IFRD2: variants seen among roughly 807,000 people sequenced by gnomAD.
IFRD2 encodes the protein interferon related developmental regulator 2.
In IFRD2, 35 loss-of-function variants were observed where a neutral mutation model predicts 49.2. The ratio of observed to expected loss-of-function variants is 0.71; its 90% CI spans 0.54 to 0.94. The LOEUF is 0.94. Ranked by LOEUF, IFRD2 falls within the 40% of genes least tolerant of loss-of-function variation. The probability of loss-of-function intolerance (pLI) is 0.00; values close to 1 mark genes in which losing one functional copy is unlikely to be tolerated. For synonymous variants in IFRD2, 275 were observed against 239.7 expected (o/e 1.15, Z -1.36); for missense variants, 561 against 591.6 (o/e 0.95, Z 0.54).
intron 1 of IFRD2, among the ~76,000 whole-genome samples, chr3:50,291,466 C>G (rs587631905): frequency 6.6e-6 from 1 of 152,270 alleles, no homozygotes. Context: ...CCCCCCAGGC[C>G]TCCCTGAGTC....
chr3:50,289,396 T>C (rs2109275259), intron 7 of IFRD2, 36 bp from the exon 8 acceptor site: 2 of 1,572,312 alleles, frequency 1.3e-6, no homozygotes, highest in Non-Finnish European at 1.7e-6. Flanking sequence ...ATGTGTGGCT[T>C]GGGGGCCTCT....
At position 50,288,722 on chromosome 3, in the gene IFRD2, G is replaced by A; in HGVS notation, c.1024-11C>T. ...TTCGCATTCACCGCCCTGCAGGGTA[G>A]AGGTGCCAACACAACTGGGCTTGGC... On this transcript the variant is annotated splice_polypyrimidine_tract_variant and intron_variant, in intron 9 of 11. Transcript: ENST00000417626. 3.1e-6 allele frequency: 5 copies of A among 1,613,104 alleles called. No homozygotes were observed. The highest frequency in any genetic ancestry group is 2.2e-5 in the South Asian group (2 of 90,958).
intron 9 of IFRD2, 32 bp downstream of exon 9, chr3:50,288,768 C>T (rs1227406929): frequency 7.4e-6 from 12 of 1,612,174 alleles, no homozygotes; most frequent in Non-Finnish European, 9.3e-6. Flanking sequence ...GGGGGTGCAC[C>T]CTTGCTAGGA....
In IFRD2 at chr3:50,290,604, C is replaced by T; in HGVS notation, c.134G>A (p.Ser45Asn). ...GGTGCTGAGAAGGCTGGGGCATTCA[C>T]TGGCGGTGCTGCGGGCCTCACTGGC... Reference protein sequence around the residue: ...EAASEARSTASECPSLLSTTA... With the variant: ...EAASEARSTANECPSLLSTTA... Residue 45 changes from serine to asparagine, a missense_variant, in exon 2 of 12, where the codon AGT (serine) becomes AAT (asparagine). Coordinates refer to ENST00000417626, the MANE Select transcript of IFRD2 (RefSeq NM_006764.5). 6.2e-7 allele frequency: 1 copy of T among 1,614,010 alleles called. No individual in the cohort carries two copies. The highest frequency in any genetic ancestry group is 8.5e-7 in the Non-Finnish European group (1 of 1,179,892).
intron 1 of IFRD2, chr3:50,291,636 T>C (rs1575492161): frequency 6.6e-6 from 1 of 152,374 alleles, no homozygotes; most frequent in Admixed American, 6.5e-5. Context: ...AGAATAAAAA[T>C]AAATAAATTT....
chr3:50,288,779 C>T (rs1575489895), intron 9 of IFRD2, 21 bp downstream of exon 9: 1 of 1,612,706 alleles, frequency 6.2e-7, no homozygotes, highest in Non-Finnish European at 8.5e-7. Flanking sequence ...CTTGCTAGGA[C>T]ACATATGTTC....
intron 1 of IFRD2, 69 bp from the exon 2 acceptor site, chr3:50,290,748 G>A (rs1379123643): frequency 6.4e-6 from 10 of 1,563,664 alleles, no homozygotes; most frequent in African/African-American, 4.1e-5. Flanking sequence ...TACCTCACTC[G>A]ACCTCATAAT....
Position 50,290,036 on chromosome 3 carries a change from C to A in IFRD2, c.439G>T (p.Val147Leu). The change falls in exon 5 of 12, where the codon GTG (valine) becomes TTG (leucine). Residue 147 changes from valine (V) to leucine (L), a missense_variant. Coordinates refer to ENST00000417626, the MANE Select transcript of IFRD2 (RefSeq NM_006764.5). ...CCCTTAGGTCCAGGGCCCAGCTGCACGCAGAGCAGGCCTAGCACAGCAGCA... is the reference window on the plus strand; with the variant it reads ...CCCTTAGGTCCAGGGCCCAGCTGCAAGCAGAGCAGGCCTAGCACAGCAGCA... ...LAAAVLGLLC[V>L]QLGPGPKGEE... is the part of the protein sequence containing the mutation. The A allele has an allele frequency of 6.2e-7, 1 of 1,613,656 alleles. No individual in the cohort carries two copies. The highest frequency in any genetic ancestry group is 1.1e-5 in the South Asian group (1 of 90,994).
chr3:50,290,750 C>T, intron 1 of IFRD2, 71 bp from the exon 2 acceptor site: 5 of 1,553,950 alleles, frequency 3.2e-6, no homozygotes, highest in Non-Finnish European at 3.5e-6. Context: ...CCTCACTCGA[C>T]CTCATAATCC....
rs1252770749 is a variant in IFRD2 at position 50,292,397 on chromosome 3, G to A, written c.-123C>T. 4.4e-6 allele frequency: 7 copies of A among 1,589,218 alleles called. No individual in the cohort carries two copies. Among genetic ancestry groups the A allele is most frequent in the South Asian group, 1.1e-5 (1 of 89,250 alleles). On this transcript the variant is annotated 5_prime_UTR_variant, in exon 1 of 12. Coordinates refer to ENST00000417626, the MANE Select transcript of IFRD2 (RefSeq NM_006764.5). ...CCAGACGACGGGAGCCACACGCCAC[G>A]CGCGCCACCATCTTCGCGAGGCGCC...
In IFRD2 at chr3:50,288,049, G is replaced by T; in HGVS notation, c.*142C>A. The T allele has an allele frequency of 1.3e-6, 1 of 767,670 alleles. No homozygotes were observed. Among genetic ancestry groups the T allele is most frequent in the Non-Finnish European group, 2.2e-6 (1 of 461,902 alleles). The allele number at this position is 767,670 out of a possible 1,614,324, so 47.6% of individuals were successfully genotyped here. The stretch of plus-strand genomic sequence containing the variant: ...AGGGTCCCAAGTGTCCGGGCCCCCA[G>T]CTACCCACCCCATGTCTGTTTTTGG... On this transcript the variant is annotated 3_prime_UTR_variant, in exon 12 of 12. Coordinates refer to ENST00000417626, the MANE Select transcript of IFRD2 (RefSeq NM_006764.5).
Position 50,288,106 on chromosome 3 carries a change from A to G in IFRD2, c.*85T>C. 5.0e-6 allele frequency: 6 copies of G among 1,194,634 alleles called. No individual in the cohort carries two copies. The South Asian group carries it at 7.7e-5, about 15-fold the overall frequency. The allele number at this position is 1,194,634 out of a possible 1,614,324, so 74.0% of individuals were successfully genotyped here. A position where few individuals can be genotyped will look rare whatever the true frequency, so the allele number is the denominator to read the frequency against. On this transcript the variant is annotated 3_prime_UTR_variant, in exon 12 of 12. Transcript: ENST00000417626. ...CATTAAAAAAAATAAAGTGACAAAT[A>G]CTGGTGGAGACCAGTTGTTGCACTG...
rs1206166442 is a variant in IFRD2 at position 50,292,199 on chromosome 3, G to GC, written c.58+17dup. 1 of 1,434,766 alleles carries GC rather than the reference G, an allele frequency of 7.0e-7. No homozygotes were observed. The highest frequency in any genetic ancestry group is 9.2e-7 in the Non-Finnish European group (1 of 1,089,296). 88.9% of individuals were successfully genotyped at this position (1,434,766 alleles called of 1,614,324 possible). On this transcript the variant is annotated intron_variant, in intron 1 of 11. Coordinates refer to ENST00000417626, the MANE Select transcript of IFRD2 (RefSeq NM_006764.5). ...CCCGCCGCTCATACAGCTGTCCCGCGCCCCCCACCCCACTCACCTCCTCCA... is the reference window on the plus strand; with the variant it reads ...CCCGCCGCTCATACAGCTGTCCCGCGCCCCCCCACCCCACTCACCTCCTCCA...
At chr3:50,292,174 C>A (rs782485430) in intron 1 of IFRD2, 43 bp downstream of exon 1, 2 of 1,436,096 alleles carry the variant, frequency 1.4e-6, no homozygotes, top group East Asian at 2.6e-5. Context: ...AGGACCCCCG[C>A]CCGCCGCTCA....
intron 1 of IFRD2, 30 bp downstream of exon 1, chr3:50,292,187 C>G: frequency 6.9e-7 from 1 of 1,444,648 alleles, no homozygotes; most frequent in Non-Finnish European, 9.1e-7. Context: ...GCCGCTCATA[C>G]AGCTGTCCCG....
Position 50,289,135 on chromosome 3 carries a change from T to C in IFRD2, c.885+120A>G, listed in dbSNP as rs1268273840. ...ATGACATCTAGGAGATAAATCTGTT[T>C]TGGGGCCACCTCCTCTGCATAATGA... On this transcript the variant is annotated intron_variant, in intron 8 of 11. Transcript: ENST00000417626. The C allele has an allele frequency of 3.4e-6, 4 of 1,171,732 alleles. No homozygotes were observed. In the East Asian group the frequency reaches 1.0e-4, roughly 30 times the overall value. The allele number at this position is 1,171,732 out of a possible 1,614,324, so 72.6% of individuals were successfully genotyped here.
rs1225878505 is a variant in IFRD2 at position 50,288,119 on chromosome 3, AG to A, written c.*71del. 8.0e-7 allele frequency: 1 copy of A among 1,252,944 alleles called. No homozygotes were observed. The highest frequency in any genetic ancestry group is 1.2e-6 in the Non-Finnish European group (1 of 867,132). The allele number at this position is 1,252,944 out of a possible 1,614,324, so 77.6% of individuals were successfully genotyped here. On this transcript the variant is annotated 3_prime_UTR_variant, in exon 12 of 12. Coordinates refer to ENST00000417626, the MANE Select transcript of IFRD2 (RefSeq NM_006764.5). ...AAAGTGACAAATACTGGTGGAGACC[AG>A]TTGTTGCACTGTCTTCTGTTAAAAA...
At chr3:50,289,854 G>A in intron 5 of IFRD2, 75 bp downstream of exon 5, 2 of 1,595,790 alleles carry the variant, frequency 1.3e-6, no homozygotes. Context: ...AAAGGAGGCT[G>A]AAGATAGGGG....
chr3:50,289,569 C>T lies in IFRD2; in HGVS notation c.657G>A (p.Gly219=), dbSNP rs182927081. The change falls in exon 7 of 12, where the codon GGG becomes GGA. Residue 219 remains glycine (G), a synonymous_variant. Coordinates refer to ENST00000417626, the MANE Select transcript of IFRD2 (RefSeq NM_006764.5). ...ESVFSRFYGL[G]GSSTSPVVPA... is the part of the protein sequence containing the mutation. ...GAACCACAGGACTTGTGGAGCTGCCCCCCAAGCCATAGAACCGGCTGAAAA... is the reference window on the plus strand; with the variant it reads ...GAACCACAGGACTTGTGGAGCTGCCTCCCAAGCCATAGAACCGGCTGAAAA... 1.1e-3 allele frequency: 1,664 copies of T among 1,583,950 alleles called. 14 individuals are homozygous for T. The African/African-American group carries it at 0.02, about 19-fold the overall frequency.
Sources: allele counts gnomAD v4.1 joint callset (sites outside exome capture counted in the v4.1 genomes callset), GRCh38; gene constraint gnomAD v4.1.1; transcripts MANE v1.5; gene names NCBI Gene and HGNC (gene_info 2026-07-23, HGNC 2026-07-21).